The following TRIM2 variants were observed in gnomAD, a reference collection of about 807,000 sequenced individuals.
The protein encoded by TRIM2 is tripartite motif-containing protein 2.
A neutral mutation model predicts 75.2 loss-of-function variants in TRIM2; 20 were observed. The ratio of observed to expected loss-of-function variants is 0.27; its 90% CI spans 0.19 to 0.39. The LOEUF (loss-of-function observed/expected upper bound fraction) is 0.39. Ranked by LOEUF, TRIM2 falls within the 10% of genes least tolerant of loss-of-function variation. TRIM2 has a pLI of 1.00. For missense variants in TRIM2, 660 were observed against 990.8 expected (o/e 0.67, Z 4.48); for synonymous variants, 373 against 388.3 (o/e 0.96, Z 0.46).
chr4:153,220,563 A>G (rs1739676419), intron 1 of TRIM2, among the ~76,000 whole-genome samples: 1 of 152,254 alleles, frequency 6.6e-6, no homozygotes, highest in Non-Finnish European at 1.5e-5. Flanking sequence ...GAACTCAACA[A>G]TAAAAGACAA....
chr4:153,335,995 A>C lies in TRIM2; in HGVS notation c.*1029A>C. Reference sequence around the variant, plus strand: ...TCCCCCTTAGAAAGCAAGTGTTACCAAAGTTGTGTTATCTTGAAAGCATTA... The same window carrying C: ...TCCCCCTTAGAAAGCAAGTGTTACCCAAGTTGTGTTATCTTGAAAGCATTA... On this transcript the variant is annotated 3_prime_UTR_variant, in exon 12 of 12. Coordinates refer to ENST00000338700, the MANE Select transcript of TRIM2 (RefSeq NM_015271.5). 1.0e-6 allele frequency: 1 copy of C among 985,880 alleles called. No homozygotes were observed. The highest frequency in any genetic ancestry group is 1.7e-5 in the African/African-American group (1 of 57,362). The allele number at this position is 985,880 out of a possible 1,614,324, so 61.1% of individuals were successfully genotyped here.
Position 153,288,439 on chromosome 4 carries a change from A to C in TRIM2, c.454-4543A>C, listed in dbSNP as rs141458552. Among the ~76,000 whole-genome samples, 409 of 152,298 alleles carry C rather than the reference A, an allele frequency of 2.7e-3. 2 individuals carry two copies. Among genetic ancestry groups the C allele is most frequent in the African/African-American group, 9.4e-3 (391 of 41,566 alleles). On this transcript the variant is annotated intron_variant, in intron 3 of 11. Coordinates refer to ENST00000338700, the MANE Select transcript of TRIM2 (RefSeq NM_015271.5). ...GTGACAGAGTGAGACTCATCTTAGA[A>C]AAAAGAAAAAAAATCTGCTTATGGA... is the stretch of plus-strand genomic sequence containing the variant.
intron 1 of TRIM2, among the ~76,000 whole-genome samples, chr4:153,174,436 C>T (rs951868767): frequency 1.3e-5 from 2 of 152,122 alleles, no homozygotes; most frequent in Non-Finnish European, 2.9e-5. Flanking sequence ...CTCCCAGTAC[C>T]CGCTGTTAGT....
chr4:153,242,254 G>A (rs1471701535), intron 1 of TRIM2, among the ~76,000 whole-genome samples: 1 of 152,010 alleles, frequency 6.6e-6, no homozygotes, highest in Non-Finnish European at 1.5e-5. Context: ...AGGTCACTCC[G>A]AGGATATGCG....
intron 10 of TRIM2, 72 bp from the exon 11 acceptor site, chr4:153,328,457 TA>T (rs1770724662): frequency 6.6e-6 from 9 of 1,357,080 alleles, no homozygotes; most frequent in East Asian, 2.5e-5. Flanking sequence ...CTCAAATAGA[TA>T]TTTTTTTAAT....
intron 3 of TRIM2, among the ~76,000 whole-genome samples, chr4:153,281,192 A>C (rs574055064): frequency 6.6e-6 from 1 of 152,356 alleles, no homozygotes; most frequent in East Asian, 1.9e-4. Context: ...TCTTGAGAGT[A>C]TGTATGGTGA....
chr4:153,229,595 A>G (rs1429976263), intron 1 of TRIM2, among the ~76,000 whole-genome samples: 2 of 152,178 alleles, frequency 1.3e-5, no homozygotes, highest in Non-Finnish European at 2.9e-5. Flanking sequence ...CTAGAAATCA[A>G]ATTCATTTTT....
chr4:153,301,350 C>G (rs1180884204), intron 6 of TRIM2, among the ~76,000 whole-genome samples: 1 of 152,118 alleles, frequency 6.6e-6, no homozygotes, highest in Non-Finnish European at 1.5e-5. Context: ...ATTTTAAAAT[C>G]AGGCTATTTT....
At chr4:153,231,780 G>A (rs1743703321) in intron 1 of TRIM2, among the ~76,000 whole-genome samples, 1 of 152,124 alleles carries the variant, frequency 6.6e-6, no homozygotes, top group Non-Finnish European at 1.5e-5. Flanking sequence ...CTCCATGCCT[G>A]TCTCTGTGTC....
chr4:153,314,651 C>T (rs529574632), intron 6 of TRIM2, among the ~76,000 whole-genome samples: 5 of 151,752 alleles, frequency 3.3e-5, no homozygotes, highest in African/African-American at 1.2e-4. Flanking sequence ...AATGAATTTC[C>T]TTTTGCCTTT....
chr4:153,243,813 T>C (rs1222298763), intron 1 of TRIM2, among the ~76,000 whole-genome samples: 2 of 123,688 alleles, frequency 1.6e-5, no homozygotes, highest in East Asian at 2.6e-4. Flanking sequence ...CCTCCTTTTT[T>C]TTTTTCCCCC....
intron 1 of TRIM2, among the ~76,000 whole-genome samples, chr4:153,227,088 G>A (rs1440901447): frequency 6.6e-6 from 1 of 152,174 alleles, no homozygotes; most frequent in Admixed American, 6.5e-5. Flanking sequence ...CCTCAGTGAG[G>A]AAATCAGCTC....
At chr4:153,307,342 G>A (rs17029851) in intron 6 of TRIM2, among the ~76,000 whole-genome samples, 1 of 152,144 alleles carries the variant, frequency 6.6e-6, no homozygotes, top group Non-Finnish European at 1.5e-5. Context: ...TTAATGAGTA[G>A]ATGAAAAGTT....
intron 3 of TRIM2, among the ~76,000 whole-genome samples, chr4:153,278,196 C>G (rs1758447851): frequency 6.6e-6 from 1 of 152,172 alleles, no homozygotes; most frequent in Non-Finnish European, 1.5e-5. Context: ...GCCTCGACCT[C>G]CTGGCTTAAG....
At chr4:153,228,459 G>A (rs1185547462) in intron 1 of TRIM2, among the ~76,000 whole-genome samples, 1 of 152,238 alleles carries the variant, frequency 6.6e-6, no homozygotes, top group Non-Finnish European at 1.5e-5. Flanking sequence ...CAGTTTCGTA[G>A]AGGGTATTCT....
intron 6 of TRIM2, among the ~76,000 whole-genome samples, chr4:153,309,189 T>C (rs999713971): frequency 6.6e-6 from 1 of 152,216 alleles, no homozygotes; most frequent in Admixed American, 6.5e-5. Context: ...ATGATTCATG[T>C]GAGCCCAAAA....
chr4:153,200,003 A>G (rs924335715), upstream of TRIM2, among the ~76,000 whole-genome samples: 2 of 140,258 alleles, frequency 1.4e-5, no homozygotes, highest in Non-Finnish European at 3.0e-5. Context: ...GTGCAGTGGT[A>G]TGATCTTGGC....
intron 3 of TRIM2, among the ~76,000 whole-genome samples, chr4:153,283,100 A>G (rs1012588468): frequency 3.3e-4 from 50 of 152,170 alleles, no homozygotes; most frequent in African/African-American, 1.1e-3. Context: ...TTGGAAAAGC[A>G]CAACTAATGT....
chr4:153,189,671 C>T (rs1190323020), intron 1 of TRIM2, among the ~76,000 whole-genome samples: 3 of 152,352 alleles, frequency 2.0e-5, no homozygotes, highest in Admixed American at 6.5e-5. Context: ...ACGGCACTCA[C>T]CCTGTGTCTT....
Sources: allele counts gnomAD v4.1 joint callset (sites outside exome capture counted in the v4.1 genomes callset), GRCh38; gene constraint gnomAD v4.1.1; transcripts MANE v1.5; gene names NCBI Gene and HGNC (gene_info 2026-07-23, HGNC 2026-07-21).